The following GEMIN2 variants were observed in gnomAD, a reference collection of about 807,000 sequenced individuals.
The protein encoded by GEMIN2 is gem-associated protein 2.
A neutral mutation model predicts 45.8 loss-of-function variants in GEMIN2; 37 were observed. That is an observed-to-expected ratio of 0.81 (90% CI 0.62 to 1.06). GEMIN2 has a LOEUF of 1.06. Among genes scored for constraint, GEMIN2 ranks in the 50% least tolerant of loss-of-function variants. GEMIN2 has a pLI of 0.00. For synonymous variants in GEMIN2, 101 were observed against 111.5 expected (o/e 0.91, Z 0.60); for missense variants, 335 against 321.8 (o/e 1.04, Z -0.31).
intron 4 of GEMIN2, among the ~76,000 whole-genome samples, chr14:39,120,013 A>AT (rs535075356): frequency 5.3e-5 from 8 of 151,998 alleles, no homozygotes; most frequent in South Asian, 4.2e-4. Flanking sequence ...AGGTAAATAT[A>AT]TTTTTTTTCT....
intron 8 of GEMIN2, among the ~76,000 whole-genome samples, chr14:39,132,963 G>A (rs957880600): frequency 6.7e-6 from 1 of 149,120 alleles, no homozygotes. Flanking sequence ...ACAGGCATGA[G>A]CTACTGCACC....
At chr14:39,131,002 A>G (rs558064965) in intron 7 of GEMIN2, among the ~76,000 whole-genome samples, 91 of 152,034 alleles carry the variant, frequency 6.0e-4, no homozygotes, top group African/African-American at 2.1e-3. Context: ...AATTGTATTG[A>G]AAAAAGGTTG....
intron 5 of GEMIN2, among the ~76,000 whole-genome samples, chr14:39,124,503 G>A (rs1204469098): frequency 6.6e-6 from 1 of 152,058 alleles, no homozygotes; most frequent in Non-Finnish European, 1.5e-5. Flanking sequence ...AGGTGAGGTG[G>A]CTCATGCCTG....
intron 8 of GEMIN2, among the ~76,000 whole-genome samples, chr14:39,132,566 A>G (rs2052731087): frequency 6.6e-6 from 1 of 151,864 alleles, no homozygotes; most frequent in Admixed American, 6.6e-5. Context: ...GATTTTTACT[A>G]AGATGGCAGT....
intron 4 of GEMIN2, 36 bp downstream of exon 4, chr14:39,118,635 A>G (rs1327575477): frequency 5.5e-6 from 5 of 902,562 alleles, no homozygotes; most frequent in East Asian, 2.4e-5. Context: ...TGTACAATGT[A>G]TACCTGATTG....
At chr14:39,117,601 T>C (rs58788129) in intron 2 of GEMIN2, among the ~76,000 whole-genome samples, 2,247 of 152,312 alleles carry the variant, frequency 0.015, 58 homozygotes, top group African/African-American at 0.051. Flanking sequence ...TGCTATTGAA[T>C]GCTAGAACTC....
chr14:39,130,754 G>C (rs1305003696), intron 7 of GEMIN2, among the ~76,000 whole-genome samples: 1 of 151,904 alleles, frequency 6.6e-6, no homozygotes, highest in East Asian at 1.9e-4. Flanking sequence ...AATTAGCTGA[G>C]CATGGTGGCG....
At chr14:39,134,532 A>C (rs1394615431) in intron 9 of GEMIN2, among the ~76,000 whole-genome samples, 1 of 152,198 alleles carries the variant, frequency 6.6e-6, no homozygotes, top group African/African-American at 2.4e-5. Flanking sequence ...AAAGCTTTAT[A>C]ATATACTTAA....
chr14:39,129,429 T>C (rs1045816256), intron 7 of GEMIN2, among the ~76,000 whole-genome samples: 5 of 152,152 alleles, frequency 3.3e-5, no homozygotes, highest in Admixed American at 6.6e-5. Context: ...ATTTGTTTGT[T>C]TTGACATGGA....
chr14:39,123,688 A>ATATATATATATATG (rs1343518770), intron 5 of GEMIN2, among the ~76,000 whole-genome samples: 1 of 20,658 alleles, frequency 4.8e-5, no homozygotes, highest in Non-Finnish European at 1.1e-4. Flanking sequence ...AAAAATAGCT[A>ATATATATATATATG]TATATATATA....
At chr14:39,133,822 C>A in intron 9 of GEMIN2, 103 bp downstream of exon 9, 2 of 629,306 alleles carry the variant, frequency 3.2e-6, no homozygotes, top group East Asian at 3.0e-5. Flanking sequence ...TTTTTTGAGT[C>A]TCACTCTGTT....
chr14:39,115,991 TAATC>T (rs1249824755), intron 2 of GEMIN2, among the ~76,000 whole-genome samples: 78 of 152,092 alleles, frequency 5.1e-4, no homozygotes, highest in African/African-American at 1.8e-3. Context: ...GCATGTATAA[TAATC>T]AATAAATGAC....
chr14:39,115,093 G>C (rs189048859), intron 2 of GEMIN2, among the ~76,000 whole-genome samples, 180 bp downstream of exon 2: 7 of 152,218 alleles, frequency 4.6e-5, no homozygotes, highest in African/African-American at 1.7e-4. Flanking sequence ...CCTCTAAAGA[G>C]GCTTTCTGTA....
chr14:39,123,858 C>T (rs967381940), intron 5 of GEMIN2, among the ~76,000 whole-genome samples: 1 of 149,566 alleles, frequency 6.7e-6, no homozygotes, highest in Middle Eastern at 3.4e-3. Context: ...ATACCAGGGG[C>T]AGCAGGCACC....
chr14:39,130,556 T>TTAA (rs2052703436), intron 7 of GEMIN2, among the ~76,000 whole-genome samples: 1 of 152,196 alleles, frequency 6.6e-6, no homozygotes, highest in African/African-American at 2.4e-5. Flanking sequence ...TGTTATTAAA[T>TTAA]ACTCTAAACA....
chr14:39,128,635 C>T (rs1396246339), intron 7 of GEMIN2, among the ~76,000 whole-genome samples: 1 of 151,338 alleles, frequency 6.6e-6, no homozygotes, highest in Non-Finnish European at 1.5e-5. Flanking sequence ...GGACTACAGG[C>T]GCATGCAGCC....
At chr14:39,126,047 A>G (rs1387947145) in intron 6 of GEMIN2, among the ~76,000 whole-genome samples, 3 of 151,888 alleles carry the variant, frequency 2.0e-5, no homozygotes, top group African/African-American at 7.2e-5. Context: ...AGATTGAAAT[A>G]TATGATTTCT....
At chr14:39,136,264 T>C (rs2052780023) in intron 9 of GEMIN2, among the ~76,000 whole-genome samples, 176 bp from the exon 10 acceptor site, 1 of 152,170 alleles carries the variant, frequency 6.6e-6, no homozygotes, top group Non-Finnish European at 1.5e-5. Flanking sequence ...GCAGTATAAA[T>C]ATTTCCCTCA....
intron 4 of GEMIN2, among the ~76,000 whole-genome samples, chr14:39,120,771 G>A (rs1418169417): frequency 6.6e-6 from 1 of 152,014 alleles, no homozygotes; most frequent in Non-Finnish European, 1.5e-5. Context: ...GGGATTACAG[G>A]TGCCTGCCAC....
Sources: gnomAD v4.1 joint callset for allele counts (sites outside exome capture counted in the v4.1 genomes callset) on GRCh38, gnomAD v4.1.1 for gene constraint, MANE v1.5 for transcripts, NCBI Gene and HGNC (gene_info 2026-07-23, HGNC 2026-07-21) for gene names.